The following MAFK variants were observed in gnomAD, a reference collection of about 807,000 sequenced individuals.
MAFK encodes the protein MAF bZIP transcription factor K, also known as transcription factor MafK.
In MAFK, 1 loss-of-function variant was observed where a neutral mutation model predicts 9.2. That is an observed-to-expected ratio of 0.11 (90% CI 0.04 to 0.52). The LOEUF (loss-of-function observed/expected upper bound fraction) is 0.52. Among genes scored for constraint, MAFK ranks in the 20% least tolerant of loss-of-function variants. The probability of loss-of-function intolerance (pLI) is 0.94; values close to 1 mark genes in which losing one functional copy is unlikely to be tolerated. For synonymous variants in MAFK, 110 were observed against 107.4 expected (o/e 1.02, Z -0.15); for missense variants, 207 against 236.0 (o/e 0.88, Z 0.81).
At position 1,540,241 on chromosome 7, in the gene MAFK, G is replaced by T; in HGVS notation, c.337G>T (p.Ala113Ser). Residue 113 changes from alanine (A) to serine (S), a missense_variant, in exon 3 of 3, where the codon GCG (alanine) becomes TCG (serine). Ala to Ser is a moderately conservative substitution (Grantham distance 99). Transcript: ENST00000343242. ...GGACGCCCTGCGCTCCAAGTACGAG[G>T]CGCTGCAGACCTTCGCGCGCACCGT... is the stretch of plus-strand genomic sequence containing the variant. The part of the protein sequence containing the change: ...ELDALRSKYE[A>S]LQTFARTVAR... The T allele has an allele frequency of 6.2e-7, 1 of 1,607,436 alleles. No homozygotes were observed.
At chr7:1,533,219 C>T (rs1043188075) in intron 1 of MAFK, among the ~76,000 whole-genome samples, 1 of 152,200 alleles carries the variant, frequency 6.6e-6, no homozygotes, top group African/African-American at 2.4e-5. Flanking sequence ...TCCTGCTTCT[C>T]CGCACTGTGC....
chr7:1,537,547 C>A (rs1042218408), intron 1 of MAFK: 36 of 985,428 alleles, frequency 3.7e-5, no homozygotes, highest in Non-Finnish European at 4.3e-5. Context: ...GTCACCCTCA[C>A]CCCAGGACGT....
chr7:1,537,480 G>A (rs905215534), intron 1 of MAFK: 62 of 985,434 alleles, frequency 6.3e-5, no homozygotes, highest in South Asian at 3.8e-4. Flanking sequence ...GCTCCCAGCC[G>A]CCGGCATTTG....
chr7:1,534,448 T>TG lies in MAFK; in HGVS notation c.-45+3552dup, dbSNP rs1300021030. The TG allele has an allele frequency of 4.6e-6, 2 of 434,452 alleles. No individual in the cohort carries two copies. Among genetic ancestry groups the TG allele is most frequent in the South Asian group, 3.2e-5 (2 of 62,344 alleles). The allele number at this position is 434,452 out of a possible 1,614,324, so 26.9% of individuals were successfully genotyped here. ...ACACCTTGGGTGGCCTCTGGTTTTGTGGATTGCACCTGCCGTGGGAGTCAC... is the reference window on the plus strand; with the variant it reads ...ACACCTTGGGTGGCCTCTGGTTTTGTGGGATTGCACCTGCCGTGGGAGTCAC... On this transcript the variant is annotated intron_variant, in intron 1 of 2. Transcript: ENST00000343242. This position sits in a 1 kb window ranked among gnomAD's most constrained non-coding sequence, Gnocchi z 4.3.
Position 1,540,154 on chromosome 7 carries a change from G to A in MAFK, c.250G>A (p.Val84Met), listed in dbSNP as rs574406742. The A allele has an allele frequency of 5.7e-5, 89 of 1,570,896 alleles. No homozygotes were observed. The East Asian group carries it at 6.4e-4, about 11-fold the overall frequency. ...TQKEELERQR[V>M]ELQQEVEKLA... ...GAAGGAGGAGCTGGAGCGGCAGCGCGTGGAGCTGCAGCAGGAGGTGGAGAA... is the reference window on the plus strand; with the variant it reads ...GAAGGAGGAGCTGGAGCGGCAGCGCATGGAGCTGCAGCAGGAGGTGGAGAA... The change falls in exon 3 of 3, where the codon GTG becomes ATG. Residue 84 changes from valine (V) to methionine (M), a missense_variant. By Grantham distance (21) the Val-to-Met change is conservative (BLOSUM62 1). Coordinates refer to ENST00000343242, the MANE Select transcript of MAFK (RefSeq NM_002360.4).
Position 1,540,693 on chromosome 7 carries a change from C to T in MAFK, c.*318C>T, listed in dbSNP as rs897551832. The T allele has an allele frequency of 8.9e-6, 3 of 337,702 alleles. No homozygotes were observed. Among genetic ancestry groups the T allele is most frequent in the Admixed American group, 9.5e-5 (2 of 20,998 alleles). The allele number at this position is 337,702 out of a possible 1,614,324, so 20.9% of individuals were successfully genotyped here. A position where few individuals can be genotyped will look rare whatever the true frequency, so the allele number is the denominator to read the frequency against. On this transcript the variant is annotated 3_prime_UTR_variant, in exon 3 of 3. Transcript: ENST00000343242. ...ATAATGGAAAGGCCCTCGGGAAGTT[C>T]CGCGTCCTCTGTGGGGGCTGCCGGA...
chr7:1,538,630 G>T (rs1425342438), intron 1 of MAFK: 1 of 177,294 alleles, frequency 5.6e-6, no homozygotes, highest in Non-Finnish European at 1.1e-5. Context: ...TGTCCAGCGG[G>T]GCCCCACACT....
In MAFK at chr7:1,539,211, C is replaced by A; in HGVS notation, c.19C>A (p.Pro7Thr). The A allele has an allele frequency of 6.2e-7, 1 of 1,611,804 alleles. No homozygotes were observed. The highest frequency in any genetic ancestry group is 8.5e-7 in the Non-Finnish European group (1 of 1,179,138). Residue 7 changes from proline to threonine, a missense_variant, in exon 2 of 3, where the codon CCG becomes ACG. Transcript: ENST00000343242. MTTNPK[P>T]NKALKVKKEA... is the part of the protein sequence containing the mutation. ...CCGGGTTATGACGACTAATCCCAAA[C>A]CGAATAAGGCATTAAAGGTAAGGCT...
intron 1 of MAFK, among the ~76,000 whole-genome samples, chr7:1,533,005 G>A (rs1156701872): frequency 6.6e-6 from 1 of 152,214 alleles, no homozygotes; most frequent in Non-Finnish European, 1.5e-5. Flanking sequence ...CTTTTTATAA[G>A]TCACAGACTC....
rs1022744272 is a variant in MAFK at position 1,532,518 on chromosome 7, G to A, written c.-45+1620G>A. 2.0e-5 allele frequency among the ~76,000 whole-genome samples: 3 copies of A among 152,180 alleles called. No homozygotes were observed. The highest frequency in any genetic ancestry group is 4.8e-5 in the African/African-American group (2 of 41,436). On this transcript the variant is annotated intron_variant, in intron 1 of 2. Coordinates refer to ENST00000343242, the MANE Select transcript of MAFK (RefSeq NM_002360.4). The surrounding 1 kb of genome is among the most constrained non-coding windows in gnomAD (Gnocchi z 4.5). ...TTCTCCTGCCTTTTATCCTTGAACC[G>A]AGCCAGGGCTTTGAGGGGCTGGTTG...
rs921979884 is a variant in MAFK, at chr7:1,540,630, T to C, written c.*255T>C. 1 of 502,144 alleles carries C rather than the reference T, an allele frequency of 2.0e-6. No individual in the cohort carries two copies. The highest frequency in any genetic ancestry group is 2.7e-5 in the South Asian group (1 of 36,912). The allele number at this position is 502,144 out of a possible 1,614,324, so 31.1% of individuals were successfully genotyped here. On this transcript the variant is annotated 3_prime_UTR_variant, in exon 3 of 3. Coordinates refer to ENST00000343242, the MANE Select transcript of MAFK (RefSeq NM_002360.4). ...GCTCCCCGCAGGATGTGTCTGTGTG[T>C]GGGAATTGGTATCTTGCACCCGTGG... is the stretch of plus-strand genomic sequence containing the variant.
intron 1 of MAFK, among the ~76,000 whole-genome samples, chr7:1,533,295 G>T (rs575306095): frequency 7.2e-5 from 11 of 152,338 alleles, no homozygotes; most frequent in African/African-American, 2.6e-4. Flanking sequence ...ATGCGGGGCC[G>T]GCTCATCTCG....
intron 1 of MAFK, among the ~76,000 whole-genome samples, chr7:1,535,764 G>A (rs1323975307): frequency 6.6e-6 from 1 of 152,244 alleles, no homozygotes; most frequent in Non-Finnish European, 1.5e-5. Context: ...TGCCTGCCCT[G>A]CCGGGGGGAG....
Position 1,532,714 on chromosome 7 carries a change from C to T in MAFK, c.-45+1816C>T, listed in dbSNP as rs1057313813. 6.6e-6 allele frequency among the ~76,000 whole-genome samples: 1 copy of T among 152,228 alleles called. No individual in the cohort carries two copies. The highest frequency in any genetic ancestry group is 2.4e-5 in the African/African-American group (1 of 41,450). On this transcript the variant is annotated intron_variant, in intron 1 of 2. Transcript: ENST00000343242. This position sits in a 1 kb window ranked among gnomAD's most constrained non-coding sequence, Gnocchi z 4.5. ...GGCGTGTGCTTTCACCCACGGGGCT[C>T]AGCGATGGCTGCGTTTGTTTACAGT... is the stretch of plus-strand genomic sequence containing the variant.
At chr7:1,537,576 GC>G (rs1156907405) in intron 1 of MAFK, 2 of 985,426 alleles carry the variant, frequency 2.0e-6, no homozygotes, top group African/African-American at 3.5e-5. Flanking sequence ...GGAGCCTGGA[GC>G]CCACCTGGCC....
intron 1 of MAFK, chr7:1,537,343 CTCTGTAAACA>C (rs1486975629): frequency 1.0e-6 from 1 of 980,958 alleles, no homozygotes; most frequent in East Asian, 1.1e-4. Flanking sequence ...ATGCGCGCGG[CTCTGTAAACA>C]TCTGGTGACT....
chr7:1,538,594 C>T (rs889837742), intron 1 of MAFK: 8 of 287,996 alleles, frequency 2.8e-5, no homozygotes, highest in East Asian at 3.5e-4. Context: ...TCCGGAGCAC[C>T]GGAGCCTTTG....
intron 1 of MAFK, 92 bp downstream of exon 1, chr7:1,530,990 G>T (rs1246477786): frequency 1.2e-4 from 17 of 146,592 alleles, no homozygotes; most frequent in Admixed American, 1.1e-3. Flanking sequence ...AGTCACGGCC[G>T]CCTGGGGGCG....
Position 1,542,983 on chromosome 7 carries a change from G to C in MAFK, c.*2608G>C, listed in dbSNP as rs532461313. 6.5e-6 allele frequency: 1 copy of C among 152,682 alleles called. No individual in the cohort carries two copies. Among genetic ancestry groups the C allele is most frequent in the South Asian group, 2.1e-4 (1 of 4,838 alleles). The allele number at this position is 152,682 out of a possible 1,614,324, so 9.5% of individuals were successfully genotyped here. On this transcript the variant is annotated 3_prime_UTR_variant, in exon 3 of 3. Transcript: ENST00000343242. ...TGCGGCCACCACCTAATTTATTGCC[G>C]TGCGTCCTGCTGCTGTGACTGCTTT...
Sources: gnomAD v4.1 joint callset for allele counts (sites outside exome capture counted in the v4.1 genomes callset) on GRCh38, gnomAD v4.1.1 for gene constraint, Gnocchi (gnomAD v3.1) non-coding constraint, MANE v1.5 for transcripts, NCBI Gene and HGNC (gene_info 2026-07-23, HGNC 2026-07-21) for gene names.